Variants in BPIFB2 observed in about 807,000 individuals in gnomAD.
The protein encoded by BPIFB2 is BPI fold containing family B member 2, also known as BPI fold-containing family B member 2.
A neutral mutation model predicts 50.1 loss-of-function variants in BPIFB2; 39 were observed. The observed-to-expected ratio is 0.78, with a 90% confidence interval of 0.60 to 1.02. The LOEUF (loss-of-function observed/expected upper bound fraction) is 1.02. Among genes scored for constraint, BPIFB2 ranks in the 50% least tolerant of loss-of-function variants. The pLI is 0.00. For synonymous variants in BPIFB2, 280 were observed against 256.3 expected (o/e 1.09, Z -0.88); for missense variants, 574 against 585.8 (o/e 0.98, Z 0.21).
intron 15 of BPIFB2, among the ~76,000 whole-genome samples, chr20:33,023,101 G>A (rs753955456): frequency 1.3e-5 from 2 of 152,136 alleles, no homozygotes; most frequent in Non-Finnish European, 2.9e-5. Flanking sequence ...ATCCACCATC[G>A]GAGCAGCAAC....
Position 33,021,777 on chromosome 20 carries a change from C to G in BPIFB2, c.1313C>G (p.Ala438Gly). 1.2e-6 allele frequency: 2 copies of G among 1,613,992 alleles called. No individual in the cohort carries two copies. Among genetic ancestry groups the G allele is most frequent in the Non-Finnish European group, 1.7e-6 (2 of 1,179,876 alleles). ...LPGVVNLHYV[A>G]PEIFVYEGYV... ...GGTGTGGTCAACCTCCACTATGTCG[C>G]CCCTGAGATCTTTGTCTATGAGGTG... The change falls in exon 15 of 16, where the codon GCC becomes GGC. Residue 438 changes from alanine to glycine, a missense_variant. Transcript: ENST00000170150.
Position 33,019,739 on chromosome 20 carries a change from T to C in BPIFB2, c.1069T>C (p.Ser357Pro). The C allele has an allele frequency of 1.9e-6, 3 of 1,606,536 alleles. No individual in the cohort carries two copies. The highest frequency in any genetic ancestry group is 2.6e-6 in the Non-Finnish European group (3 of 1,175,842). The change falls in exon 11 of 16, where the codon TCC becomes CCC. Residue 357 changes from serine to proline, a missense_variant. By Grantham distance (74) the Ser-to-Pro change is moderately conservative. Transcript: ENST00000170150. ...ASNSAFQSLFSLDVVVNLRLQ... is the reference protein window; with the variant it reads ...ASNSAFQSLFPLDVVVNLRLQ... Reference sequence around the variant, plus strand: ...CAACTCGGCTTTCCAGTCCCTCTTCTCCCTGGATGTGGTGAGTGCGGTGGG... The same window carrying C: ...CAACTCGGCTTTCCAGTCCCTCTTCCCCCTGGATGTGGTGAGTGCGGTGGG...
chr20:33,010,364 C>G (rs17123991), intron 2 of BPIFB2, among the ~76,000 whole-genome samples: 124 of 152,312 alleles, frequency 8.1e-4, no homozygotes, highest in Non-Finnish European at 1.6e-3. Flanking sequence ...ACAACATAAA[C>G]GATTGCCGCT....
rs368709800 is a variant in BPIFB2, at chr20:33,020,616, C to T, written c.1194+29C>T. 3.5e-5 allele frequency: 55 copies of T among 1,582,246 alleles called. No individual in the cohort carries two copies. In the African/African-American group the frequency reaches 6.3e-4, roughly 18 times the overall value. On this transcript the variant is annotated intron_variant, in intron 13 of 15. Transcript: ENST00000170150. ...AGTGTGGGGCTGGGGCCTCTAGAAA[C>T]CCCCGTCCTGGGTAGGGCACACCTT...
At chr20:33,014,594 C>T (rs896458173) in intron 5 of BPIFB2, among the ~76,000 whole-genome samples, 1 of 152,168 alleles carries the variant, frequency 6.6e-6, no homozygotes. Context: ...CCAGGCAGCC[C>T]GACTAATCCC....
At chr20:33,010,889 T>G in intron 2 of BPIFB2, 135 bp from the exon 3 acceptor site, 1 of 710,770 alleles carries the variant, frequency 1.4e-6, no homozygotes, top group Non-Finnish European at 2.4e-6. Context: ...GCCCTCCCCA[T>G]ATGCTTGGAG....
intron 6 of BPIFB2, among the ~76,000 whole-genome samples, chr20:33,015,941 TG>T (rs1204684630): frequency 1.3e-5 from 2 of 152,134 alleles, no homozygotes; most frequent in African/African-American, 4.8e-5. Flanking sequence ...CCCTCCTCCG[TG>T]GGGTGGTTGC....
intron 15 of BPIFB2, among the ~76,000 whole-genome samples, chr20:33,022,668 T>C (rs769716284): frequency 2.0e-5 from 3 of 152,252 alleles, no homozygotes; most frequent in Non-Finnish European, 4.4e-5. Context: ...AAGCCACAGG[T>C]ACATGTGGCT....
At chr20:33,011,691 T>C (rs1236913209) in intron 3 of BPIFB2, among the ~76,000 whole-genome samples, 1 of 152,130 alleles carries the variant, frequency 6.6e-6, no homozygotes, top group Non-Finnish European at 1.5e-5. Flanking sequence ...TGAAAAAACA[T>C]TTAAAGCCCA....
At position 33,021,711 on chromosome 20, in the gene BPIFB2, T is replaced by C; in HGVS notation, c.1259-12T>C. The C allele has an allele frequency of 6.2e-7, 1 of 1,613,710 alleles. No individual in the cohort carries two copies. On this transcript the variant is annotated splice_polypyrimidine_tract_variant and intron_variant, in intron 14 of 15. Coordinates refer to ENST00000170150, the MANE Select transcript of BPIFB2 (RefSeq NM_025227.3). ...CTCCAGGGGACGATCCTTTCTTCTT[T>C]CTCGCCTGCAGCTCTCTTGGCCATG...
intron 7 of BPIFB2, among the ~76,000 whole-genome samples, chr20:33,017,581 C>T (rs1978483538): frequency 6.6e-6 from 1 of 152,204 alleles, no homozygotes; most frequent in Non-Finnish European, 1.5e-5. Context: ...AGCCATGCCT[C>T]CCTGAAGGCT....
Position 33,009,475 on chromosome 20 carries a change from CAG to C in BPIFB2, c.109+794_109+795del, listed in dbSNP as rs2146348350. 6.6e-6 allele frequency among the ~76,000 whole-genome samples: 1 copy of C among 152,342 alleles called. No homozygotes were observed. The highest frequency in any genetic ancestry group is 1.9e-4 in the East Asian group (1 of 5,178). Reference sequence around the variant, plus strand: ...AAGCGGTTTCCCCCAAGGCCAAACTCAGATTACAGTGTGAGAAAGTCAGGTCA... The same window carrying C: ...AAGCGGTTTCCCCCAAGGCCAAACTCATTACAGTGTGAGAAAGTCAGGTCA... On this transcript the variant is annotated intron_variant, in intron 2 of 15. Coordinates refer to ENST00000170150, the MANE Select transcript of BPIFB2 (RefSeq NM_025227.3). This position sits in a 1 kb window ranked among gnomAD's most constrained non-coding sequence, Gnocchi z 4.2.
Position 33,023,527 on chromosome 20 carries a change from C to T in BPIFB2, c.*144C>T. Reference sequence around the variant, plus strand: ...TGCTTAGCTGGGCTGTTTTATCTTCCCTGAGTGCCTGGGTCTCCCTCCCTC... The same window carrying T: ...TGCTTAGCTGGGCTGTTTTATCTTCTCTGAGTGCCTGGGTCTCCCTCCCTC... On this transcript the variant is annotated 3_prime_UTR_variant, in exon 16 of 16. Coordinates refer to ENST00000170150, the MANE Select transcript of BPIFB2 (RefSeq NM_025227.3). 1 of 906,002 alleles carries T rather than the reference C, an allele frequency of 1.1e-6. No individual in the cohort carries two copies. The highest frequency in any genetic ancestry group is 1.7e-6 in the Non-Finnish European group (1 of 573,398). The allele number at this position is 906,002 out of a possible 1,614,324, so 56.1% of individuals were successfully genotyped here.
intron 10 of BPIFB2, 70 bp downstream of exon 10, chr20:33,019,185 G>T: frequency 6.4e-7 from 1 of 1,571,074 alleles, no homozygotes. Flanking sequence ...TGGGTCATGG[G>T]ATCTCTGCTG....
At chr20:33,022,051 G>A (rs940735708) in intron 15 of BPIFB2, among the ~76,000 whole-genome samples, 3 of 152,184 alleles carry the variant, frequency 2.0e-5, no homozygotes, top group African/African-American at 7.2e-5. Context: ...GTGATCCTGT[G>A]CCCTGGAATG....
rs1270612465 is a variant in BPIFB2, at chr20:33,019,646, G to T, written c.976G>T (p.Ala326Ser). ...GGTGCGGCTGGGTGCCACACCTGTGGCCATGCTCCACACAAACAACGCCAC... is the reference window on the plus strand; with the variant it reads ...GGTGCGGCTGGGTGCCACACCTGTGTCCATGCTCCACACAAACAACGCCAC... ...LKVRLGATPV[A>S]MLHTNNATLR... The change falls in exon 11 of 16, where the codon GCC becomes TCC. Residue 326 changes from alanine to serine, a missense_variant. Physicochemically the swap from Ala to Ser is moderately conservative, Grantham distance 99 (BLOSUM62 1). Transcript: ENST00000170150. The T allele has an allele frequency of 6.2e-7, 1 of 1,612,436 alleles. No homozygotes were observed. Among genetic ancestry groups the T allele is most frequent in the Non-Finnish European group, 8.5e-7 (1 of 1,179,288 alleles).
chr20:33,013,772 G>A (rs1475444275), intron 4 of BPIFB2, 38 bp from the exon 5 acceptor site: 1 of 1,599,364 alleles, frequency 6.3e-7, no homozygotes, highest in African/African-American at 1.3e-5. Flanking sequence ...GGCTCTGCTG[G>A]GCGGTGCTGC....
At chr20:33,020,645 C>T in intron 13 of BPIFB2, 58 bp downstream of exon 13, 2 of 1,511,514 alleles carry the variant, frequency 1.3e-6, no homozygotes, top group South Asian at 1.3e-5. Context: ...ACACCTTGAG[C>T]CTGGGGAAGA....
chr20:33,021,367 G>A (rs1978662604), intron 14 of BPIFB2, 23 bp downstream of exon 14: 1 of 1,602,410 alleles, frequency 6.2e-7, no homozygotes, highest in Non-Finnish European at 8.5e-7. Flanking sequence ...CTCCACCCCA[G>A]CAGGGCCCCT....
Sources: gnomAD v4.1 joint callset for allele counts (sites outside exome capture counted in the v4.1 genomes callset) on GRCh38, gnomAD v4.1.1 for gene constraint, Gnocchi (gnomAD v3.1) non-coding constraint, MANE v1.5 for transcripts, NCBI Gene and HGNC (gene_info 2026-07-23, HGNC 2026-07-21) for gene names.